MICAL3: variants seen among roughly 807,000 people sequenced by gnomAD.
The protein encoded by MICAL3 is [F-actin]-monooxygenase MICAL3.
A neutral mutation model predicts 207.4 loss-of-function variants in MICAL3; 62 were observed. The observed-to-expected ratio is 0.30, with a 90% CI of 0.24 to 0.37. The LOEUF (loss-of-function observed/expected upper bound fraction) is 0.37. MICAL3 is among the 10% of genes least tolerant of loss of function. The pLI, the probability that MICAL3 is intolerant of heterozygous loss-of-function variation, is 1.00. For missense variants in MICAL3, 2,368 were observed against 2,635.6 expected (o/e 0.90, Z 2.22); for synonymous variants, 1,077 against 1,069.3 (o/e 1.01, Z -0.14).
At chr22:18,001,439 G>C (rs5992955) in intron 1 of MICAL3, 91,748 of 152,154 alleles carry the variant, frequency 0.6, 29,087 homozygotes, top group African/African-American at 0.81. Flanking sequence ...TCGCTGTGGC[G>C]GGCCAGTGCC....
chr22:17,862,969 C>T (rs1333316571), intron 19 of MICAL3: 2 of 985,298 alleles, frequency 2.0e-6, no homozygotes, highest in East Asian at 2.3e-4. Context: ...TCAAGAACCA[C>T]GCGGACAGAG....
intron 1 of MICAL3, among the ~76,000 whole-genome samples, chr22:18,020,535 A>C (rs992291163): frequency 6.6e-6 from 1 of 151,078 alleles, no homozygotes; most frequent in African/African-American, 2.4e-5. Context: ...ACTATTAACC[A>C]GGCTTCAATA....
In MICAL3 at chr22:17,837,109, A is replaced by G. The variant is rs117359382; in HGVS notation, c.2801+4713T>C. On this transcript the variant is annotated intron_variant, in intron 20 of 31. Coordinates refer to ENST00000441493, the MANE Select transcript of MICAL3 (RefSeq NM_015241.3). ...TCTCCTGCTGAGGAGGCGGCTGGAGAAGATGCACATCATGCAGCAGGCTTT... is the reference window on the plus strand; with the variant it reads ...TCTCCTGCTGAGGAGGCGGCTGGAGGAGATGCACATCATGCAGCAGGCTTT... Among the ~76,000 whole-genome samples the G allele has an allele frequency of 0.011, 1,630 of 152,348 alleles. 47 individuals are homozygous for G. The East Asian group carries it at 0.11, about 10-fold the overall frequency.
At chr22:17,848,949 T>C (rs531674027) in intron 19 of MICAL3, among the ~76,000 whole-genome samples, 91 of 152,336 alleles carry the variant, frequency 6.0e-4, no homozygotes, top group African/African-American at 2.1e-3. Flanking sequence ...CCCAGAGCCA[T>C]GTGTGGAAAG....
intron 29 of MICAL3, chr22:17,803,947 G>T: frequency 1.7e-6 from 1 of 575,402 alleles, no homozygotes; most frequent in South Asian, 7.6e-5. Context: ...ATGATATGGA[G>T]CAATCAATGA....
chr22:17,973,128 G>C (rs1935493584), intron 1 of MICAL3, among the ~76,000 whole-genome samples: 1 of 152,250 alleles, frequency 6.6e-6, no homozygotes, highest in Admixed American at 6.5e-5. Flanking sequence ...GGGTGAGTAA[G>C]CCTCCTTCAC....
At chr22:17,810,208 A>G (rs899301503) in intron 28 of MICAL3, among the ~76,000 whole-genome samples, 36 of 151,970 alleles carry the variant, frequency 2.4e-4, no homozygotes, top group East Asian at 1.4e-3. Flanking sequence ...GACTACAGGC[A>G]CTTGCCACCA....
chr22:17,957,086 AAAAG>A (rs1334641918), intron 1 of MICAL3, among the ~76,000 whole-genome samples: 2 of 152,200 alleles, frequency 1.3e-5, no homozygotes, highest in African/African-American at 4.8e-5. Context: ...ACCCAGAAAG[AAAAG>A]AAAGATGGCT....
chr22:17,991,900 C>T (rs1366333663), intron 1 of MICAL3, among the ~76,000 whole-genome samples: 1 of 152,132 alleles, frequency 6.6e-6, no homozygotes, highest in Non-Finnish European at 1.5e-5. Context: ...TATTACAAGG[C>T]TCCAACCAGC....
chr22:17,889,071 C>G lies in MICAL3; in HGVS notation c.1854G>C (p.Gln618His), dbSNP rs185711619. The change falls in exon 13 of 32, where the codon CAG (glutamine) becomes CAC (histidine). Residue 618 changes from glutamine to histidine, a missense_variant. Physicochemically the swap from Gln to His is conservative, Grantham distance 24 (BLOSUM62 0). This residue lies in a region of MICAL3 where 1,770 missense variants were observed against 1,863.2 expected (regional missense o/e 0.95). Transcript: ENST00000441493. The part of the protein sequence containing the change: ...DKLSMVMYLT[Q>H]FYEMFKDSLP... ...GGGAGTCCTTAAACATCTCGTAGAA[C>G]TGAGTCAGGTACATCACCATGGACA... The G allele has an allele frequency of 2.8e-5, 45 of 1,612,312 alleles. No homozygotes were observed. Among genetic ancestry groups the G allele is most frequent in the Non-Finnish European group, 3.6e-5 (43 of 1,178,710 alleles).
chr22:18,023,594 A>T (rs547468285), intron 1 of MICAL3, among the ~76,000 whole-genome samples: 2 of 152,360 alleles, frequency 1.3e-5, no homozygotes, highest in African/African-American at 4.8e-5. Context: ...TCTAAGACAC[A>T]TGCAGCCTCC....
At chr22:17,832,704 G>C (rs115073404) in intron 20 of MICAL3, among the ~76,000 whole-genome samples, 37 of 152,134 alleles carry the variant, frequency 2.4e-4, no homozygotes, top group Admixed American at 2.4e-3. Flanking sequence ...GTGTGACTGC[G>C]GCCTGTCAGA....
chr22:17,843,784 G>A (rs116236236), intron 19 of MICAL3, among the ~76,000 whole-genome samples: 4,815 of 152,218 alleles, frequency 0.032, 153 homozygotes, highest in East Asian at 0.11. Context: ...TCTGGAGAGC[G>A]AACAGTCGTT....
intron 1 of MICAL3, among the ~76,000 whole-genome samples, chr22:17,988,348 G>T (rs546083665): frequency 6.6e-6 from 1 of 152,278 alleles, no homozygotes; most frequent in Non-Finnish European, 1.5e-5. Context: ...CCAGTTCCTT[G>T]TCATGTCACA....
rs1266067539 is a variant in MICAL3, at chr22:17,818,168, G to T, written c.4493C>A (p.Pro1498His). Residue 1498 changes from proline (P) to histidine (H), a missense_variant, in exon 26 of 32, where the codon CCC (proline) becomes CAC (histidine). Physicochemically the swap from Pro to His is moderately conservative, Grantham distance 77. Around this residue, in one of 4 missense-constraint regions of MICAL3, gnomAD observed 1,770 missense variants for 1,863.2 expected, o/e 0.95. Coordinates refer to ENST00000441493, the MANE Select transcript of MICAL3 (RefSeq NM_015241.3). ...TCTGGGGGGCTGAGCAGGCTCCCGGGGGGGCCGCATCCAGGTGGCGGGCAA... is the reference window on the plus strand; with the variant it reads ...TCTGGGGGGCTGAGCAGGCTCCCGGTGGGGCCGCATCCAGGTGGCGGGCAA... Reference protein sequence around the residue: ...PPLPATWMRPPREPAQPPREE... With the variant: ...PPLPATWMRPHREPAQPPREE... 1 of 1,594,346 alleles carries T rather than the reference G, an allele frequency of 6.3e-7. No individual in the cohort carries two copies.
At chr22:17,984,036 G>A (rs385105) in intron 1 of MICAL3, among the ~76,000 whole-genome samples, 35,216 of 152,128 alleles carry the variant, frequency 0.23, 4,720 homozygotes, top group East Asian at 0.52. Context: ...AAACTTTTCT[G>A]AAATTATACC....
chr22:17,951,372 T>C (rs1214998387), intron 1 of MICAL3, among the ~76,000 whole-genome samples: 1 of 151,926 alleles, frequency 6.6e-6, no homozygotes, highest in Non-Finnish European at 1.5e-5. Context: ...TCTACCTTAC[T>C]ATTGTCGGTG....
rs59740388 is a variant in MICAL3 at position 17,953,930 on chromosome 22, C to CAAAAAAAAAAAAAAAAAA, written c.-74-47062_-74-47045dup. On this transcript the variant is annotated intron_variant, in intron 1 of 31. Coordinates refer to ENST00000441493, the MANE Select transcript of MICAL3 (RefSeq NM_015241.3). ...CAGGTGACAGAGTAAGACTCCATCTCAAAAAAAAAAAAAAAAAAAAAAAAA... is the reference window on the plus strand; with the variant it reads ...CAGGTGACAGAGTAAGACTCCATCTCAAAAAAAAAAAAAAAAAAAAAAAAAAAAAAAAAAAAAAAAAAA... 1.4e-3 allele frequency among the ~76,000 whole-genome samples: 119 copies of CAAAAAAAAAAAAAAAAAA among 86,520 alleles called. 3 individuals are homozygous for CAAAAAAAAAAAAAAAAAA. Among genetic ancestry groups the CAAAAAAAAAAAAAAAAAA allele is most frequent in the South Asian group, 2.9e-3 (6 of 2,076 alleles). 56.8% of individuals were successfully genotyped at this position (86,520 alleles called of 152,430 possible).
intron 19 of MICAL3, chr22:17,864,064 C>A (rs895831688): frequency 1.0e-6 from 1 of 987,116 alleles, no homozygotes; most frequent in Admixed American, 6.0e-5. Flanking sequence ...TTGTGGAGCT[C>A]TGGACGCATC....
Sources: gnomAD v4.1 joint callset for allele counts (sites outside exome capture counted in the v4.1 genomes callset) on GRCh38, gnomAD v4.1.1 for gene constraint, gnomAD v4.1.1 regional missense constraint, MANE v1.5 for transcripts, NCBI Gene and HGNC (gene_info 2026-07-23, HGNC 2026-07-21) for gene names.